Variants in MEI4 observed in about 807,000 individuals in gnomAD.
The protein encoded by MEI4 is meiosis-specific protein MEI4.
A neutral mutation model predicts 31.4 loss-of-function variants in MEI4; 27 were observed. That is an observed-to-expected ratio of 0.86 (90% CI 0.63 to 1.19). The LOEUF is 1.19. MEI4 is among the 50% of genes most tolerant of loss of function. The pLI, the probability that MEI4 is intolerant of heterozygous loss-of-function variation, is 0.00. For missense variants in MEI4, 329 were observed against 398.9 expected (o/e 0.82, Z 1.49); for synonymous variants, 122 against 145.4 (o/e 0.84, Z 1.16).
At chr6:77,735,285 T>C (rs1188458178) in intron 2 of MEI4, among the ~76,000 whole-genome samples, 4 of 151,932 alleles carry the variant, frequency 2.6e-5, no homozygotes, top group Admixed American at 2.6e-4. Context: ...CAGACGTAGA[T>C]TTGGTCTTTT....
intron 4 of MEI4, among the ~76,000 whole-genome samples, chr6:77,866,027 C>T (rs534512340): frequency 6.6e-6 from 1 of 152,188 alleles, no homozygotes; most frequent in South Asian, 2.1e-4. Context: ...CAAAATTTAA[C>T]AACTCTTCAT....
chr6:77,827,100 C>A (rs1769970974), intron 3 of MEI4, among the ~76,000 whole-genome samples: 2 of 152,096 alleles, frequency 1.3e-5, no homozygotes. Flanking sequence ...GTGGCTCACA[C>A]CTGTAATCCC....
intron 2 of MEI4, among the ~76,000 whole-genome samples, chr6:77,736,577 G>A (rs1767240631): frequency 6.6e-6 from 1 of 152,084 alleles, no homozygotes; most frequent in African/African-American, 2.4e-5. Flanking sequence ...AGATGGAAAT[G>A]CAGAAATCAT....
upstream of MEI4, among the ~76,000 whole-genome samples, chr6:77,650,765 C>G (rs1768285859): frequency 6.6e-6 from 1 of 152,230 alleles, no homozygotes; most frequent in South Asian, 2.1e-4. Context: ...TGATTATAGA[C>G]TGTGTCTGCT....
At chr6:77,895,227 C>G (rs556635910) in intron 4 of MEI4, among the ~76,000 whole-genome samples, 1 of 152,236 alleles carries the variant, frequency 6.6e-6, no homozygotes, top group Non-Finnish European at 1.5e-5. Context: ...TTTGTTAACA[C>G]ATAAAATTGA....
rs998264754 is a variant in MEI4, at chr6:77,843,103, A to T, written c.900+14041A>T. Among the ~76,000 whole-genome samples, 10 of 151,620 alleles carry T rather than the reference A, an allele frequency of 6.6e-5. No individual in the cohort carries two copies. In the East Asian group the frequency reaches 1.2e-3, roughly 18 times the overall value. On this transcript the variant is annotated intron_variant, in intron 4 of 4. Transcript: ENST00000684080. ...GATTACTATTATTAAAAAAAAAAAA[A>T]ACAGGTAAAGACTGATGTCTCAAAA...
chr6:77,870,344 G>T (rs1301322751), intron 4 of MEI4, among the ~76,000 whole-genome samples: 1 of 152,146 alleles, frequency 6.6e-6, no homozygotes, highest in African/African-American at 2.4e-5. Flanking sequence ...GTAGGCTAAT[G>T]TAAGTGATCT....
At chr6:77,834,546 G>A (rs1582196589) in intron 4 of MEI4, among the ~76,000 whole-genome samples, 2 of 151,696 alleles carry the variant, frequency 1.3e-5, no homozygotes, top group East Asian at 1.9e-4. Context: ...GCAGACCCCT[G>A]ATTCGGCAAC....
chr6:77,802,926 T>C (rs1249173309), intron 3 of MEI4, among the ~76,000 whole-genome samples: 1 of 152,184 alleles, frequency 6.6e-6, no homozygotes, highest in African/African-American at 2.4e-5. Context: ...ATTTCAACTT[T>C]GGTGAATCTT....
intron 2 of MEI4, among the ~76,000 whole-genome samples, chr6:77,756,624 C>CCT (rs149549601): frequency 0.14 from 19,814 of 145,862 alleles, 1,388 homozygotes; most frequent in Middle Eastern, 0.21. Context: ...TCTCTCTCTC[C>CCT]CTCTCTCTCT....
At chr6:77,916,703 C>G (rs1766557782) in intron 4 of MEI4, among the ~76,000 whole-genome samples, 1 of 151,868 alleles carries the variant, frequency 6.6e-6, no homozygotes, top group Admixed American at 6.6e-5. Flanking sequence ...CAGTATGTAT[C>G]CATTCAAGTT....
intron 1 of MEI4, among the ~76,000 whole-genome samples, chr6:77,666,874 T>TGTGTGTGTGTGC (rs1554208072): frequency 2.1e-5 from 3 of 140,620 alleles, no homozygotes; most frequent in African/African-American, 7.9e-5. Context: ...TGTGTGTGTG[T>TGTGTGTGTGTGC]GTGTGTGTGC....
intron 3 of MEI4, among the ~76,000 whole-genome samples, chr6:77,773,014 T>C (rs1306762902): frequency 6.6e-6 from 1 of 151,852 alleles, no homozygotes; most frequent in Admixed American, 6.6e-5. Flanking sequence ...ATGAAAACTG[T>C]AAAACACTGA....
intron 1 of MEI4, among the ~76,000 whole-genome samples, chr6:77,658,759 A>T (rs1198455054): frequency 6.6e-6 from 1 of 152,146 alleles, no homozygotes; most frequent in Non-Finnish European, 1.5e-5. Flanking sequence ...ACAAGGTCCG[A>T]ATAAAAGAAG....
chr6:77,857,592 T>G (rs1770775350), intron 4 of MEI4, among the ~76,000 whole-genome samples: 1 of 152,186 alleles, frequency 6.6e-6, no homozygotes, highest in South Asian at 2.1e-4. Flanking sequence ...GTTACCTAAT[T>G]GTATCTGTCC....
At chr6:77,880,643 C>T (rs544349574) in intron 4 of MEI4, among the ~76,000 whole-genome samples, 1 of 152,184 alleles carries the variant, frequency 6.6e-6, no homozygotes, top group African/African-American at 2.4e-5. Flanking sequence ...CTGGGAAGAA[C>T]GTACCCAAGC....
chr6:77,707,239 T>C lies in MEI4; in HGVS notation c.232+16336T>C, dbSNP rs549398216. Among the ~76,000 whole-genome samples the C allele has an allele frequency of 1.4e-3, 212 of 152,252 alleles. 1 individual carries two copies. Among genetic ancestry groups the C allele is most frequent in the African/African-American group, 4.5e-3 (186 of 41,552 alleles). The stretch of plus-strand genomic sequence containing the variant: ...AATTGGATAAAGGTCACCCACTTTA[T>C]ACCCTAGCAAAGAACTTGACTGCAT... On this transcript the variant is annotated intron_variant, in intron 2 of 4. Transcript: ENST00000684080.
chr6:77,696,356 A>G (rs1297361431), intron 2 of MEI4, among the ~76,000 whole-genome samples: 2 of 152,162 alleles, frequency 1.3e-5, no homozygotes, highest in Non-Finnish European at 2.9e-5. Flanking sequence ...TTTCAAAGGG[A>G]ATGCTTCCAG....
intron 3 of MEI4, among the ~76,000 whole-genome samples, chr6:77,794,579 C>T (rs1304830872): frequency 6.6e-6 from 1 of 151,638 alleles, no homozygotes; most frequent in Non-Finnish European, 1.5e-5. Flanking sequence ...AACAAAAAAC[C>T]TAACATCAAA....
Sources: allele counts gnomAD v4.1 joint callset (sites outside exome capture counted in the v4.1 genomes callset), GRCh38; gene constraint gnomAD v4.1.1; transcripts MANE v1.5; gene names NCBI Gene and HGNC (gene_info 2026-07-23, HGNC 2026-07-21).